The following THEMIS variants were observed in gnomAD, a reference collection of about 807,000 sequenced individuals.
THEMIS encodes protein THEMIS.
In THEMIS, 37 loss-of-function variants were observed where a neutral mutation model predicts 52.6. That is an observed-to-expected ratio of 0.70 (90% CI 0.54 to 0.93). THEMIS has a LOEUF of 0.93. THEMIS is among the 40% of genes least tolerant of loss of function. The probability of loss-of-function intolerance (pLI) is 0.00; values close to 1 mark genes in which losing one functional copy is unlikely to be tolerated. For synonymous variants in THEMIS, 292 were observed against 272.7 expected (o/e 1.07, Z -0.70); for missense variants, 808 against 763.1 (o/e 1.06, Z -0.69).
chr6:127,862,437 T>C (rs939045871), intron 1 of THEMIS, among the ~76,000 whole-genome samples: 1 of 135,024 alleles, frequency 7.4e-6, no homozygotes, highest in African/African-American at 2.7e-5. Context: ...AATTTTTTTT[T>C]TTTTTTTTTT....
chr6:127,790,863 G>C (rs1363765180), intron 4 of THEMIS, among the ~76,000 whole-genome samples: 1 of 152,208 alleles, frequency 6.6e-6, no homozygotes, highest in African/African-American at 2.4e-5. Flanking sequence ...TCCCTGCAAG[G>C]CTGTGGCTGG....
At chr6:127,850,757 G>T (rs1779394218) in intron 2 of THEMIS, among the ~76,000 whole-genome samples, 1 of 151,644 alleles carries the variant, frequency 6.6e-6, no homozygotes, top group Non-Finnish European at 1.5e-5. Flanking sequence ...GGGGGTGAGG[G>T]ATTAAAAGAC....
chr6:127,802,185 T>C (rs1226018972), intron 4 of THEMIS, among the ~76,000 whole-genome samples: 6 of 152,288 alleles, frequency 3.9e-5, no homozygotes, highest in Non-Finnish European at 7.4e-5. Context: ...CTTAGGGAGA[T>C]TGGGATGGTG....
chr6:127,839,849 G>A (rs912822009), intron 2 of THEMIS, among the ~76,000 whole-genome samples: 9 of 152,020 alleles, frequency 5.9e-5, no homozygotes, highest in South Asian at 2.1e-4. Context: ...ACAGGGCATC[G>A]TTGACAGTGT....
At chr6:127,914,132 T>G (rs777820562) in intron 1 of THEMIS, among the ~76,000 whole-genome samples, 2 of 152,190 alleles carry the variant, frequency 1.3e-5, no homozygotes, top group Non-Finnish European at 2.9e-5. Context: ...TTAATAATTT[T>G]GTGCATGAAA....
chr6:127,874,542 T>A (rs1284138794), intron 1 of THEMIS, among the ~76,000 whole-genome samples: 1 of 152,138 alleles, frequency 6.6e-6, no homozygotes, highest in East Asian at 1.9e-4. Flanking sequence ...ACGTTGTGAG[T>A]TTTTTCAAAT....
rs1418368611 is a variant in THEMIS, at chr6:127,813,502, A to C, written c.1139T>G (p.Leu380Arg). The C allele has an allele frequency of 6.2e-7, 1 of 1,613,956 alleles. No individual in the cohort carries two copies. Among genetic ancestry groups the C allele is most frequent in the South Asian group, 1.1e-5 (1 of 91,048 alleles). ...TKAFHSPHDK[L>R]SSVSVGDQFL... The stretch of plus-strand genomic sequence containing the variant: ...CTGGTCCCCAACAGATACGGATGAC[A>C]GCTTGTCATGAGGGGAATGAAACGC... The change falls in exon 4 of 6, where the codon CTG becomes CGG. Residue 380 changes from leucine to arginine, a missense_variant. Leu to Arg is a moderately radical substitution (Grantham distance 102). Coordinates refer to ENST00000368248, the MANE Select transcript of THEMIS (RefSeq NM_001010923.3).
chr6:127,720,446 C>A (rs1430590624), intron 4 of THEMIS, among the ~76,000 whole-genome samples: 1 of 151,894 alleles, frequency 6.6e-6, no homozygotes, highest in East Asian at 1.9e-4. Flanking sequence ...ACACTGTATG[C>A]TTCAAAGAAT....
intron 4 of THEMIS, among the ~76,000 whole-genome samples, chr6:127,794,840 G>T (rs145960826): frequency 2.9e-4 from 44 of 152,152 alleles, no homozygotes; most frequent in African/African-American, 9.9e-4. Flanking sequence ...ACATTTACCT[G>T]ATCATTTAGC....
At chr6:127,773,342 T>A (rs536735935) in intron 4 of THEMIS, among the ~76,000 whole-genome samples, 6 of 152,216 alleles carry the variant, frequency 3.9e-5, no homozygotes, top group Non-Finnish European at 7.3e-5. Context: ...TGCCAAATTC[T>A]AATGCTAGAA....
At chr6:127,869,023 C>T (rs750433002) in intron 1 of THEMIS, among the ~76,000 whole-genome samples, 7 of 151,928 alleles carry the variant, frequency 4.6e-5, no homozygotes, top group African/African-American at 7.3e-5. Context: ...TACAAATATA[C>T]GATTGCAAAG....
intron 4 of THEMIS, among the ~76,000 whole-genome samples, chr6:127,798,556 G>C (rs144767323): frequency 9.7e-4 from 148 of 152,238 alleles, no homozygotes; most frequent in Non-Finnish European, 1.7e-3. Context: ...ATTATTCTCT[G>C]AGCTTCAGTG....
intron 4 of THEMIS, among the ~76,000 whole-genome samples, chr6:127,788,216 G>A (rs936379977): frequency 5.3e-5 from 8 of 152,136 alleles, no homozygotes; most frequent in African/African-American, 1.9e-4. Context: ...TATCTTCCAA[G>A]ATACATTTGC....
chr6:127,702,078 C>T, the THEMIS span, among the ~76,000 whole-genome samples: 2 of 151,772 alleles, frequency 1.3e-5, no homozygotes, highest in Non-Finnish European at 2.9e-5. Flanking sequence ...TATCCTTTTA[C>T]CAAGAATTCA....
At chr6:127,818,467 C>T (rs1778211095) in intron 3 of THEMIS, among the ~76,000 whole-genome samples, 1 of 151,898 alleles carries the variant, frequency 6.6e-6, no homozygotes. Context: ...GCCTCTGACA[C>T]CTACCATTAT....
chr6:127,886,957 T>C (rs1425371379), intron 1 of THEMIS, among the ~76,000 whole-genome samples: 3 of 152,084 alleles, frequency 2.0e-5, no homozygotes, highest in Non-Finnish European at 4.4e-5. Flanking sequence ...AGAAAAGTTT[T>C]GTGCTCTCAG....
chr6:127,730,306 GAAAAGAAAAGAGAAA>G lies in THEMIS; in HGVS notation c.1759-10498_1759-10484del, dbSNP rs1274092192. ...GAAAAGAAAAGAAAAGAAAAGAAAA[GAAAAGAAAAGAGAAA>G]AAAAGAAAAGAAAAGAAAAGAAGAG... On this transcript the variant is annotated intron_variant, in intron 4 of 5. Transcript: ENST00000368248. Among the ~76,000 whole-genome samples, 197 of 123,560 alleles carry G rather than the reference GAAAAGAAAAGAGAAA, an allele frequency of 1.6e-3. 1 individual carries two copies. The highest frequency in any genetic ancestry group is 5.8e-3 in the African/African-American group (176 of 30,226). 81.1% of individuals were successfully genotyped at this position (123,560 alleles called of 152,430 possible).
At chr6:127,748,980 CT>C (rs2114325522) in intron 4 of THEMIS, among the ~76,000 whole-genome samples, 1 of 152,166 alleles carries the variant, frequency 6.6e-6, no homozygotes, top group South Asian at 2.1e-4. Context: ...GTGTCAGGAA[CT>C]CACAGTATAT....
intron 4 of THEMIS, among the ~76,000 whole-genome samples, chr6:127,766,357 T>G (rs150516345): frequency 6.6e-6 from 1 of 152,334 alleles, no homozygotes; most frequent in East Asian, 1.9e-4. Context: ...CATGAACTAT[T>G]AAGTAGCATT....
Sources: gnomAD v4.1 joint callset for allele counts (sites outside exome capture counted in the v4.1 genomes callset) on GRCh38, gnomAD v4.1.1 for gene constraint, MANE v1.5 for transcripts, NCBI Gene and HGNC (gene_info 2026-07-23, HGNC 2026-07-21) for gene names.